RABGAP1L: variants seen among roughly 807,000 people sequenced by gnomAD.
RABGAP1L encodes the protein RAB GTPase activating protein 1 like, also known as rab GTPase-activating protein 1-like.
RABGAP1L carries 63 observed loss-of-function variants against 137.7 expected under a neutral mutation model. The ratio of observed to expected loss-of-function variants is 0.46; its 90% confidence interval spans 0.37 to 0.56. The LOEUF is 0.56. Ranked by LOEUF, RABGAP1L falls within the 20% of genes least tolerant of loss-of-function variation. The pLI, the probability that RABGAP1L is intolerant of heterozygous loss-of-function variation, is 0.00. For missense variants in RABGAP1L, 1,095 were observed against 1,244.0 expected (o/e 0.88, Z 1.80); for synonymous variants, 431 against 433.7 (o/e 0.99, Z 0.08).
chr1:174,964,761 C>G, intron 20 of RABGAP1L: 1 of 1,313,336 alleles, frequency 7.6e-7, no homozygotes, highest in Non-Finnish European at 9.9e-7. Flanking sequence ...TGCCCACTGG[C>G]TACCTCAAGT....
intron 13 of RABGAP1L, among the ~76,000 whole-genome samples, chr1:174,609,277 G>T (rs138987187): frequency 6.6e-6 from 1 of 152,026 alleles, no homozygotes; most frequent in African/African-American, 2.4e-5. Context: ...TCCACAAATG[G>T]CAACTTAATA....
At chr1:174,597,548 C>G (rs1185113734) in intron 13 of RABGAP1L, among the ~76,000 whole-genome samples, 1 of 151,848 alleles carries the variant, frequency 6.6e-6, no homozygotes, top group African/African-American at 2.4e-5. Context: ...TCTGTGGAAT[C>G]AGTTGTAATT....
chr1:174,794,364 A>G (rs967609453), intron 18 of RABGAP1L, among the ~76,000 whole-genome samples: 1 of 152,212 alleles, frequency 6.6e-6, no homozygotes, highest in Non-Finnish European at 1.5e-5. Flanking sequence ...AACCCAGATA[A>G]ACGCAATGTA....
intron 18 of RABGAP1L, among the ~76,000 whole-genome samples, chr1:174,767,615 C>G (rs1685779078): frequency 6.6e-6 from 1 of 151,976 alleles, no homozygotes; most frequent in South Asian, 2.1e-4. Flanking sequence ...GCTCCGCCTC[C>G]CAGGTTAAAT....
chr1:174,499,087 A>G (rs1168504270), intron 13 of RABGAP1L, among the ~76,000 whole-genome samples: 1 of 152,126 alleles, frequency 6.6e-6, no homozygotes, highest in Non-Finnish European at 1.5e-5. Flanking sequence ...GAACATATCC[A>G]GTAGAACTGG....
chr1:174,394,184 A>T (rs774606262), intron 13 of RABGAP1L, 39 bp downstream of exon 13: 15 of 1,594,434 alleles, frequency 9.4e-6, no homozygotes, highest in African/African-American at 1.3e-5. Context: ...TCATTGGATG[A>T]CCTATTAAAT....
chr1:174,543,364 CT>C (rs1380880309), intron 13 of RABGAP1L, among the ~76,000 whole-genome samples: 9 of 152,138 alleles, frequency 5.9e-5, no homozygotes, highest in Admixed American at 5.9e-4. Flanking sequence ...TTCTTTGTCT[CT>C]TTTGATCTTT....
chr1:174,959,441 G>T (rs1375597956), intron 20 of RABGAP1L, among the ~76,000 whole-genome samples: 1 of 152,148 alleles, frequency 6.6e-6, no homozygotes, highest in East Asian at 1.9e-4. Context: ...ACTTGTTATT[G>T]TGTCTTAAAT....
intron 19 of RABGAP1L, among the ~76,000 whole-genome samples, chr1:174,905,720 G>A (rs370719879): frequency 2.2e-4 from 34 of 151,970 alleles, no homozygotes; most frequent in African/African-American, 7.0e-4. Flanking sequence ...ACATGGTGCC[G>A]GGTGCCTGAA....
intron 17 of RABGAP1L, 147 bp from the exon 18 acceptor site, chr1:174,752,166 C>T: frequency 1.6e-6 from 1 of 620,750 alleles, no homozygotes; most frequent in Non-Finnish European, 2.7e-6. Flanking sequence ...AAGAAAATAC[C>T]TTTAAAAAAA....
At chr1:174,895,182 A>G (rs539023353) in intron 19 of RABGAP1L, among the ~76,000 whole-genome samples, 1 of 152,338 alleles carries the variant, frequency 6.6e-6, no homozygotes, top group African/African-American at 2.4e-5. Flanking sequence ...ATGAATGAAA[A>G]TTATTCATTC....
intron 14 of RABGAP1L, among the ~76,000 whole-genome samples, chr1:174,675,497 T>A (rs867658723): frequency 1.3e-5 from 2 of 151,774 alleles, no homozygotes; most frequent in Non-Finnish European, 2.9e-5. Context: ...TGTAGCCTTG[T>A]AGTATAGTTT....
rs529571380 is a variant in RABGAP1L, at chr1:174,205,285, ATGG to A, written c.-33-13837_-33-13835del. Reference sequence around the variant, plus strand: ...TTCTTTTATTGTTGTGTTTATCAGGATGGTGCTGGCCTCATAGAATGAGTTGGG... The same window carrying A: ...TTCTTTTATTGTTGTGTTTATCAGGATGCTGGCCTCATAGAATGAGTTGGG... On this transcript the variant is annotated intron_variant, in intron 1 of 25. Transcript: ENST00000681986. 9.4e-4 allele frequency among the ~76,000 whole-genome samples: 143 copies of A among 151,896 alleles called. 1 individual carries two copies. Among genetic ancestry groups the A allele is most frequent in the African/African-American group, 3.3e-3 (135 of 41,450 alleles).
intron 13 of RABGAP1L, among the ~76,000 whole-genome samples, chr1:174,474,835 C>T (rs1658329975): frequency 6.6e-6 from 1 of 151,922 alleles, no homozygotes; most frequent in African/African-American, 2.4e-5. Flanking sequence ...TCTCTTGACC[C>T]TGTGATCCAC....
At chr1:174,621,817 A>C (rs1468194868) in intron 13 of RABGAP1L, among the ~76,000 whole-genome samples, 1 of 152,206 alleles carries the variant, frequency 6.6e-6, no homozygotes, top group Admixed American at 6.5e-5. Flanking sequence ...TCTAAAACAC[A>C]AAAAGTAATG....
chr1:174,956,073 G>A (rs1318438761), intron 19 of RABGAP1L, among the ~76,000 whole-genome samples: 2 of 152,224 alleles, frequency 1.3e-5, no homozygotes, highest in East Asian at 3.9e-4. Context: ...TTTTAAAAAT[G>A]TCCATAAACC....
At chr1:174,848,876 C>G (rs1425887805) in intron 19 of RABGAP1L, among the ~76,000 whole-genome samples, 3 of 140,454 alleles carry the variant, frequency 2.1e-5, no homozygotes, top group Non-Finnish European at 4.6e-5. Context: ...TAGCAATCAG[C>G]GAGATTCCGT....
In RABGAP1L at chr1:174,580,974, G is replaced by A. The variant is rs535464553; in HGVS notation, c.1711-56401G>A. 4.5e-4 allele frequency among the ~76,000 whole-genome samples: 68 copies of A among 152,196 alleles called. 1 individual carries two copies. The highest frequency in any genetic ancestry group is 1.9e-3 in the Admixed American group (29 of 15,284). ...TCAGGGAAATTCAAATGAAAACCAC[G>A]ATGAGATACCACTTCACACCCACTA... On this transcript the variant is annotated intron_variant, in intron 13 of 25. Coordinates refer to ENST00000681986, the MANE Select transcript of RABGAP1L (RefSeq NM_001366446.1).
intron 19 of RABGAP1L, among the ~76,000 whole-genome samples, chr1:174,930,745 A>G (rs1176416164): frequency 6.6e-6 from 1 of 152,102 alleles, no homozygotes; most frequent in Non-Finnish European, 1.5e-5. Context: ...TATCTCCCCC[A>G]TCTTTTTTTG....
Sources: gnomAD v4.1 joint callset for allele counts (sites outside exome capture counted in the v4.1 genomes callset) on GRCh38, gnomAD v4.1.1 for gene constraint, MANE v1.5 for transcripts, NCBI Gene and HGNC (gene_info 2026-07-23, HGNC 2026-07-21) for gene names.